NELL1: variants seen among roughly 807,000 people sequenced by gnomAD.
NELL1 encodes the protein protein kinase C-binding protein NELL1.
In NELL1, 76 loss-of-function variants were observed where a neutral mutation model predicts 107.4. The ratio of observed to expected loss-of-function variants is 0.71; its 90% CI spans 0.59 to 0.86. NELL1 has a LOEUF of 0.86. Ranked by LOEUF, NELL1 falls within the 40% of genes least tolerant of loss-of-function variation. The pLI is 0.00. For synonymous variants in NELL1, 353 were observed against 341.2 expected, an observed-to-expected ratio of 1.03 and a Z score of -0.38; for missense variants, 1,024 against 1,005.5, an observed-to-expected ratio of 1.02 and a Z score of -0.25.
intron 13 of NELL1, among the ~76,000 whole-genome samples, chr11:21,173,177 T>C (rs1366802533): frequency 6.6e-6 from 1 of 151,784 alleles, no homozygotes; most frequent in Non-Finnish European, 1.5e-5. Flanking sequence ...AGAACAGGTC[T>C]TTGGTATGAG....
At chr11:21,017,075 G>A (rs140609504) in intron 12 of NELL1, among the ~76,000 whole-genome samples, 197 of 152,084 alleles carry the variant, frequency 1.3e-3, no homozygotes, top group African/African-American at 4.6e-3. Flanking sequence ...CCCTTCTAAA[G>A]GTCCCTTCTG....
intron 15 of NELL1, among the ~76,000 whole-genome samples, chr11:21,475,931 G>T (rs1854321131): frequency 6.6e-6 from 1 of 152,040 alleles, no homozygotes; most frequent in African/African-American, 2.4e-5. Context: ...ATGATTCTTT[G>T]CTTTACTTTC....
chr11:21,534,962 TG>T (rs1856098415), intron 16 of NELL1, among the ~76,000 whole-genome samples: 4 of 152,278 alleles, frequency 2.6e-5, no homozygotes, highest in Middle Eastern at 6.8e-3. Context: ...CCTTCATCTG[TG>T]TATATGTAAA....
In NELL1 at chr11:21,250,978, C is replaced by T. The variant is rs77838019; in HGVS notation, c.1549+21524C>T. On this transcript the variant is annotated intron_variant, in intron 14 of 19. Coordinates refer to ENST00000357134, the MANE Select transcript of NELL1 (RefSeq NM_006157.5). Reference sequence around the variant, plus strand: ...CTGGCTCAGTCACTAAGCCCCACTACGTTCTTGTGGCATTCTCTTTTCCTT... The same window carrying T: ...CTGGCTCAGTCACTAAGCCCCACTATGTTCTTGTGGCATTCTCTTTTCCTT... Among the ~76,000 whole-genome samples the T allele has an allele frequency of 9.1e-4, 139 of 152,166 alleles. No homozygotes were observed. The East Asian group carries it at 0.014, about 15-fold the overall frequency.
At chr11:21,150,203 C>CAG (rs1332306644) in intron 13 of NELL1, among the ~76,000 whole-genome samples, 4 of 152,114 alleles carry the variant, frequency 2.6e-5, no homozygotes, top group Admixed American at 6.5e-5. Context: ...AGCTTGTGGT[C>CAG]AGCACATGTG....
intron 15 of NELL1, among the ~76,000 whole-genome samples, chr11:21,489,677 C>T (rs899027196): frequency 6.6e-6 from 1 of 151,988 alleles, no homozygotes; most frequent in African/African-American, 2.4e-5. Flanking sequence ...ATCACATCAG[C>T]AGAATGAAGG....
chr11:21,098,991 A>T (rs747810935), intron 12 of NELL1, among the ~76,000 whole-genome samples: 5 of 151,998 alleles, frequency 3.3e-5, no homozygotes, highest in Non-Finnish European at 7.4e-5. Flanking sequence ...GTGTATTTTA[A>T]TTGTATTTTT....
chr11:21,485,516 G>A (rs1854603165), intron 15 of NELL1, among the ~76,000 whole-genome samples: 1 of 151,946 alleles, frequency 6.6e-6, no homozygotes, highest in Non-Finnish European at 1.5e-5. Flanking sequence ...ACCAGGAAGG[G>A]AGAAGGGAAG....
chr11:20,786,950 G>A (rs1436904895), intron 3 of NELL1, among the ~76,000 whole-genome samples: 4 of 141,086 alleles, frequency 2.8e-5, no homozygotes, highest in Non-Finnish European at 4.6e-5. Flanking sequence ...GGAGCTTGCC[G>A]TGAGCCGAGA....
chr11:20,894,583 C>A (rs1849685510), intron 5 of NELL1, among the ~76,000 whole-genome samples: 1 of 152,156 alleles, frequency 6.6e-6, no homozygotes, highest in South Asian at 2.1e-4. Context: ...ACTGAATATC[C>A]ATCAGAATGG....
At chr11:20,867,188 A>C (rs1219947397) in intron 4 of NELL1, among the ~76,000 whole-genome samples, 1 of 152,210 alleles carries the variant, frequency 6.6e-6, no homozygotes, top group Non-Finnish European at 1.5e-5. Context: ...AAATGAGGGG[A>C]AAGTAGAATG....
chr11:20,674,429 G>T, intron 1 of NELL1: 1 of 1,316,808 alleles, frequency 7.6e-7, no homozygotes, highest in East Asian at 2.5e-5. Context: ...CATGAGTCTG[G>T]TGTAACAGGT....
intron 4 of NELL1, among the ~76,000 whole-genome samples, chr11:20,863,803 T>A (rs1407275863): frequency 6.6e-6 from 1 of 152,156 alleles, no homozygotes; most frequent in Admixed American, 6.5e-5. Flanking sequence ...GCCACTGCAC[T>A]CCAGCCTGGG....
intron 5 of NELL1, among the ~76,000 whole-genome samples, chr11:20,894,775 T>C (rs1849689585): frequency 6.6e-6 from 1 of 152,164 alleles, no homozygotes; most frequent in Non-Finnish European, 1.5e-5. Context: ...AGGTACCTAA[T>C]GTCTAATAGA....
intron 12 of NELL1, among the ~76,000 whole-genome samples, chr11:20,982,715 C>T (rs2134245957): frequency 6.6e-6 from 1 of 152,320 alleles, no homozygotes; most frequent in African/African-American, 2.4e-5. Flanking sequence ...TCTCTCTCCT[C>T]ATATTAAAGA....
intron 15 of NELL1, among the ~76,000 whole-genome samples, chr11:21,528,520 C>CT (rs72296169): frequency 5.3e-4 from 3 of 5,666 alleles, no homozygotes; most frequent in Non-Finnish European, 2.3e-3. Context: ...CACCCCCCCC[C>CT]CCTTTTTTTT....
intron 2 of NELL1, among the ~76,000 whole-genome samples, chr11:20,693,922 C>A (rs1013727570): frequency 6.6e-6 from 1 of 152,144 alleles, no homozygotes; most frequent in Admixed American, 6.5e-5. Flanking sequence ...TTCAGGTACA[C>A]CAATCAGACG....
intron 12 of NELL1, among the ~76,000 whole-genome samples, chr11:20,973,823 A>T (rs754637296): frequency 6.6e-6 from 1 of 152,150 alleles, no homozygotes; most frequent in African/African-American, 2.4e-5. Flanking sequence ...TCATTTCTGG[A>T]TCTTTATCAC....
intron 16 of NELL1, among the ~76,000 whole-genome samples, chr11:21,548,331 G>A (rs918896446): frequency 6.6e-6 from 1 of 151,920 alleles, no homozygotes; most frequent in African/African-American, 2.4e-5. Context: ...GTTGGAGATT[G>A]TATTAGTTTG....
Sources: allele counts gnomAD v4.1 joint callset (sites outside exome capture counted in the v4.1 genomes callset), GRCh38; gene constraint gnomAD v4.1.1; transcripts MANE v1.5; gene names NCBI Gene and HGNC (gene_info 2026-07-23, HGNC 2026-07-21).